ELOVL6: variants seen among roughly 807,000 people sequenced by gnomAD.
The protein encoded by ELOVL6 is very long chain fatty acid elongase 6.
ELOVL6 carries 8 observed loss-of-function variants against 31.7 expected under a neutral mutation model. The ratio of observed to expected loss-of-function variants is 0.25; its 90% CI spans 0.15 to 0.45. The LOEUF is 0.45. Among genes scored for constraint, ELOVL6 ranks in the 20% least tolerant of loss-of-function variants. The pLI is 1.00. For missense variants in ELOVL6, 126 were observed against 326.4 expected (o/e 0.39, Z 4.73); for synonymous variants, 101 against 117.7 (o/e 0.86, Z 0.92).
chr4:110,064,033 G>A (rs1294296394), intron 2 of ELOVL6, among the ~76,000 whole-genome samples: 12 of 148,026 alleles, frequency 8.1e-5, no homozygotes, highest in Non-Finnish European at 1.3e-4. Context: ...AGCTGAGATC[G>A]CGCCATTGCA....
At chr4:110,064,696 C>G (rs1488273696) in intron 2 of ELOVL6, among the ~76,000 whole-genome samples, 1 of 151,994 alleles carries the variant, frequency 6.6e-6, no homozygotes, top group Non-Finnish European at 1.5e-5. Flanking sequence ...TCATCTTGCC[C>G]AGGCTGGTCT....
intron 1 of ELOVL6, among the ~76,000 whole-genome samples, chr4:110,142,230 C>T: frequency 6.6e-6 from 1 of 151,834 alleles, no homozygotes; most frequent in Non-Finnish European, 1.5e-5. Flanking sequence ...GCCACCACAC[C>T]AGGCTAATGT....
intron 2 of ELOVL6, among the ~76,000 whole-genome samples, chr4:110,102,766 G>A (rs1176918735): frequency 6.6e-6 from 1 of 151,882 alleles, no homozygotes. Context: ...AACTTACTCA[G>A]CACCAACAAC....
intron 1 of ELOVL6, among the ~76,000 whole-genome samples, chr4:110,194,202 G>A (rs1011851742): frequency 1.3e-5 from 2 of 152,166 alleles, no homozygotes; most frequent in East Asian, 3.8e-4. Context: ...AGAAAAACAG[G>A]TAAAGGCCAG....
chr4:110,130,991 T>C (rs1757650265), intron 1 of ELOVL6, among the ~76,000 whole-genome samples: 1 of 152,234 alleles, frequency 6.6e-6, no homozygotes, highest in Non-Finnish European at 1.5e-5. Context: ...CACTCCTATA[T>C]AAAAGCTCTG....
At chr4:110,122,758 C>A (rs960114680) in intron 1 of ELOVL6, among the ~76,000 whole-genome samples, 1 of 152,220 alleles carries the variant, frequency 6.6e-6, no homozygotes, top group Non-Finnish European at 1.5e-5. Flanking sequence ...CCCTGTGACA[C>A]CCTGTGCTAC....
At chr4:110,097,856 A>C (rs988274130) in intron 2 of ELOVL6, among the ~76,000 whole-genome samples, 1 of 152,114 alleles carries the variant, frequency 6.6e-6, no homozygotes, top group African/African-American at 2.4e-5. Flanking sequence ...GAATAGGAGA[A>C]GCTGTAATTT....
At chr4:110,159,206 C>A (rs1320850288) in intron 1 of ELOVL6, among the ~76,000 whole-genome samples, 1 of 152,118 alleles carries the variant, frequency 6.6e-6, no homozygotes, top group African/African-American at 2.4e-5. Context: ...TTCCTTTATG[C>A]ATTTAGTCAA....
At chr4:110,188,047 T>C (rs899026699) in intron 1 of ELOVL6, among the ~76,000 whole-genome samples, 1 of 152,192 alleles carries the variant, frequency 6.6e-6, no homozygotes, top group Non-Finnish European at 1.5e-5. Flanking sequence ...CCTTCAAGAA[T>C]AGGGATATCC....
At chr4:110,084,376 G>GAT (rs1268228498) in intron 2 of ELOVL6, among the ~76,000 whole-genome samples, 1 of 40,530 alleles carries the variant, frequency 2.5e-5, no homozygotes, top group African/African-American at 9.1e-5. Context: ...TATGATATAT[G>GAT]ATATATATCG....
intron 1 of ELOVL6, among the ~76,000 whole-genome samples, chr4:110,116,894 CT>C (rs1174298574): frequency 6.6e-6 from 1 of 152,102 alleles, no homozygotes; most frequent in Non-Finnish European, 1.5e-5. Flanking sequence ...TCCTGCAATG[CT>C]TCCTTCACTT....
At chr4:110,151,252 T>C (rs116244417) in intron 1 of ELOVL6, among the ~76,000 whole-genome samples, 3,294 of 151,856 alleles carry the variant, frequency 0.022, 121 homozygotes, top group African/African-American at 0.073. Context: ...TATTTATATA[T>C]ACATAATGAG....
chr4:110,099,487 C>A (rs1466727889), intron 2 of ELOVL6, among the ~76,000 whole-genome samples: 1 of 152,144 alleles, frequency 6.6e-6, no homozygotes, highest in Non-Finnish European at 1.5e-5. Flanking sequence ...TGTAGAACAT[C>A]TGGATTTGTG....
chr4:110,135,854 TG>T (rs1329057152), intron 1 of ELOVL6, among the ~76,000 whole-genome samples: 1 of 152,226 alleles, frequency 6.6e-6, no homozygotes, highest in Non-Finnish European at 1.5e-5. Context: ...GAGAGAAGAC[TG>T]ATCACAATTT....
intron 2 of ELOVL6, among the ~76,000 whole-genome samples, chr4:110,071,502 T>C (rs1234721541): frequency 6.6e-6 from 1 of 152,242 alleles, no homozygotes; most frequent in African/African-American, 2.4e-5. Flanking sequence ...AAGTGTGAAC[T>C]GTGAAGTGTC....
At chr4:110,143,989 G>A (rs574888238) in intron 1 of ELOVL6, among the ~76,000 whole-genome samples, 3 of 147,762 alleles carry the variant, frequency 2.0e-5, no homozygotes, top group Non-Finnish European at 4.4e-5. Flanking sequence ...GGGAGGCGAA[G>A]GTTGTGGTGA....
At chr4:110,105,692 C>G in intron 1 of ELOVL6, 64 bp from the exon 2 acceptor site, 1 of 1,477,834 alleles carries the variant, frequency 6.8e-7, no homozygotes. Context: ...AAATTTTGTA[C>G]CAGTTCTCCT....
intron 2 of ELOVL6, among the ~76,000 whole-genome samples, chr4:110,082,677 T>C (rs1209279092): frequency 6.6e-6 from 1 of 152,060 alleles, no homozygotes; most frequent in Non-Finnish European, 1.5e-5. Flanking sequence ...CACACCAACA[T>C]GGCACATGTA....
At chr4:110,079,075 C>A (rs1455882837) in intron 2 of ELOVL6, among the ~76,000 whole-genome samples, 2 of 152,162 alleles carry the variant, frequency 1.3e-5, no homozygotes, top group East Asian at 3.8e-4. Flanking sequence ...TACAGGAGCA[C>A]CCAGATTCAT....
Sources: gnomAD v4.1 joint callset for allele counts (sites outside exome capture counted in the v4.1 genomes callset) on GRCh38, gnomAD v4.1.1 for gene constraint, MANE v1.5 for transcripts, NCBI Gene and HGNC (gene_info 2026-07-23, HGNC 2026-07-21) for gene names.